Variants in ANKS1B observed in about 807,000 individuals in gnomAD.
ANKS1B encodes the protein ankyrin repeat and sterile alpha motif domain-containing protein 1B.
A neutral mutation model predicts 148.3 loss-of-function variants in ANKS1B; 36 were observed. The observed-to-expected ratio is 0.24, with a 90% CI of 0.19 to 0.32. The LOEUF is 0.32. Ranked by LOEUF, ANKS1B falls within the 10% of genes least tolerant of loss-of-function variation. ANKS1B has a pLI of 1.00. For synonymous variants in ANKS1B, 542 were observed against 560.8 expected (o/e 0.97, Z 0.47); for missense variants, 1,157 against 1,542.6 (o/e 0.75, Z 4.19).
chr12:98,937,926 C>G (rs2099820308), intron 17 of ANKS1B, among the ~76,000 whole-genome samples: 1 of 151,610 alleles, frequency 6.6e-6, no homozygotes, highest in South Asian at 2.1e-4. Context: ...GCAGGGGAAA[C>G]TGGCAATTTT....
At chr12:99,618,911 C>G (rs1257203330) in intron 9 of ANKS1B, among the ~76,000 whole-genome samples, 3 of 152,098 alleles carry the variant, frequency 2.0e-5, no homozygotes, top group African/African-American at 7.2e-5. Flanking sequence ...TCTCCATAAC[C>G]AGAGCTGTGA....
intron 12 of ANKS1B, among the ~76,000 whole-genome samples, chr12:99,336,060 T>G (rs1223495507): frequency 6.6e-6 from 1 of 152,154 alleles, no homozygotes; most frequent in African/African-American, 2.4e-5. Flanking sequence ...AAAGCCATTT[T>G]AATTGGGGTG....
intron 17 of ANKS1B, among the ~76,000 whole-genome samples, chr12:98,963,023 G>T (rs2099874416): frequency 6.6e-6 from 1 of 151,890 alleles, no homozygotes; most frequent in Non-Finnish European, 1.5e-5. Flanking sequence ...ATGTAACAAT[G>T]CATCTTAAAG....
chr12:99,237,362 G>T (rs1244910228), intron 14 of ANKS1B, among the ~76,000 whole-genome samples: 1 of 151,892 alleles, frequency 6.6e-6, no homozygotes, highest in Admixed American at 6.6e-5. Context: ...GTGTCTGGGG[G>T]CTCCACACAC....
At chr12:99,294,620 A>G (rs984762616) in intron 12 of ANKS1B, among the ~76,000 whole-genome samples, 5 of 152,200 alleles carry the variant, frequency 3.3e-5, no homozygotes, top group Admixed American at 1.3e-4. Flanking sequence ...AATTGATAAC[A>G]TAACAGGGTG....
At chr12:98,822,415 T>C (rs1368126429) in intron 19 of ANKS1B, among the ~76,000 whole-genome samples, 5 of 152,150 alleles carry the variant, frequency 3.3e-5, no homozygotes, top group Non-Finnish European at 5.9e-5. Context: ...CTGGACTGCA[T>C]GTAATAAGAA....
intron 3 of ANKS1B, among the ~76,000 whole-genome samples, chr12:99,807,062 A>T (rs2067711408): frequency 6.6e-6 from 1 of 152,206 alleles, no homozygotes; most frequent in Non-Finnish European, 1.5e-5. Context: ...GAGAGATCAA[A>T]ACAATTATAA....
intron 17 of ANKS1B, among the ~76,000 whole-genome samples, chr12:98,850,673 T>G (rs933827311): frequency 6.6e-6 from 1 of 151,886 alleles, no homozygotes; most frequent in African/African-American, 2.4e-5. Context: ...TTCACTGTGT[T>G]AGCCAGGATG....
chr12:98,737,305 T>C (rs927095035), intron 9 of ANKS1B, among the ~76,000 whole-genome samples: 2 of 152,214 alleles, frequency 1.3e-5, no homozygotes, highest in African/African-American at 4.8e-5. Context: ...TGTAGCTTTG[T>C]GTACACTGTT....
intron 14 of ANKS1B, among the ~76,000 whole-genome samples, chr12:99,221,427 T>A (rs907140417): frequency 1.3e-5 from 2 of 152,076 alleles, no homozygotes; most frequent in African/African-American, 2.4e-5. Context: ...GAAAGATAAT[T>A]ACAACTTGTA....
intron 17 of ANKS1B, among the ~76,000 whole-genome samples, chr12:98,939,968 T>C (rs2099834033): frequency 6.6e-6 from 1 of 152,162 alleles, no homozygotes; most frequent in Admixed American, 6.5e-5. Context: ...GGGTGAGAGA[T>C]GATTTTGAGA....
chr12:99,189,462 G>A (rs532156258), intron 14 of ANKS1B, among the ~76,000 whole-genome samples: 16 of 152,196 alleles, frequency 1.1e-4, no homozygotes, highest in African/African-American at 2.2e-4. Flanking sequence ...CTGGCAAACC[G>A]AATCCAGCAA....
intron 8 of ANKS1B, among the ~76,000 whole-genome samples, chr12:99,708,839 A>G (rs899662384): frequency 1.8e-4 from 28 of 152,114 alleles, no homozygotes; most frequent in African/African-American, 6.8e-4. Flanking sequence ...AGGAATTCCA[A>G]CCTGGATATT....
At chr12:99,909,006 T>C (rs1437011228) in intron 1 of ANKS1B, among the ~76,000 whole-genome samples, 2 of 152,118 alleles carry the variant, frequency 1.3e-5, no homozygotes, top group Non-Finnish European at 2.9e-5. Context: ...TCCCCATTCC[T>C]GTCCCTCCCT....
Position 99,915,847 on chromosome 12 carries a change from A to G in ANKS1B, c.134+68257T>C, listed in dbSNP as rs527252142. Reference sequence around the variant, plus strand: ...AAGGGCTGGGTGAATCTGTTCCATGACTCTCTCCTATCTTCTGGTGGTTTT... The same window carrying G: ...AAGGGCTGGGTGAATCTGTTCCATGGCTCTCTCCTATCTTCTGGTGGTTTT... On this transcript the variant is annotated intron_variant, in intron 1 of 26. Coordinates refer to ENST00000683438, the MANE Select transcript of ANKS1B (RefSeq NM_001352186.2). Among the ~76,000 whole-genome samples, 19 of 151,698 alleles carry G rather than the reference A, an allele frequency of 1.3e-4. No individual in the cohort carries two copies. The South Asian group carries it at 3.8e-3, about 30-fold the overall frequency.
At chr12:99,822,462 T>C (rs2082632411) in intron 2 of ANKS1B, among the ~76,000 whole-genome samples, 1 of 152,108 alleles carries the variant, frequency 6.6e-6, no homozygotes, top group Non-Finnish European at 1.5e-5. Context: ...CCTCTAGTGG[T>C]CTCCAGTTTC....
rs953423486 is a variant in ANKS1B, at chr12:99,239,045, A to G, written c.2419+5297T>C. On this transcript the variant is annotated intron_variant, in intron 14 of 26. Coordinates refer to ENST00000683438, the MANE Select transcript of ANKS1B (RefSeq NM_001352186.2). The stretch of plus-strand genomic sequence containing the variant: ...ATTGCAGCTCCTCGCCAGCAAGTGA[A>G]CAAAACTAGACAGAGAATGAGTTTG... Among the ~76,000 whole-genome samples the G allele has an allele frequency of 5.3e-5, 8 of 152,322 alleles. No individual in the cohort carries two copies. In the South Asian group the frequency reaches 1.2e-3, roughly 24 times the overall value.
chr12:98,956,023 C>T (rs945599199), intron 17 of ANKS1B, among the ~76,000 whole-genome samples: 2 of 152,174 alleles, frequency 1.3e-5, no homozygotes, highest in Non-Finnish European at 2.9e-5. Context: ...GCCTGAATTC[C>T]AGGCCTAGAG....
At chr12:99,391,340 G>GGCTTTTACTCGCTTTGCA (rs2094059784) in intron 12 of ANKS1B, among the ~76,000 whole-genome samples, 1 of 152,188 alleles carries the variant, frequency 6.6e-6, no homozygotes, top group African/African-American at 2.4e-5. Flanking sequence ...GGTTTGATTG[G>GGCTTTTACTCGCTTTGCA]GCTTTTACTC....
Sources: gnomAD v4.1 joint callset for allele counts (sites outside exome capture counted in the v4.1 genomes callset) on GRCh38, gnomAD v4.1.1 for gene constraint, MANE v1.5 for transcripts, NCBI Gene and HGNC (gene_info 2026-07-23, HGNC 2026-07-21) for gene names.